Variants in ZNF804B observed in about 807,000 individuals in gnomAD.
The protein encoded by ZNF804B is zinc finger 804B.
In ZNF804B, 80 loss-of-function variants were observed where a neutral mutation model predicts 101.4. The observed-to-expected ratio is 0.79, with a 90% CI of 0.66 to 0.95. The LOEUF is 0.95. ZNF804B is among the 40% of genes least tolerant of loss of function. The pLI is 0.00. For missense variants in ZNF804B, 1,673 were observed against 1,561.9 expected (o/e 1.07, Z -1.20); for synonymous variants, 622 against 558.8 (o/e 1.11, Z -1.59).
chr7:89,022,897 T>G (rs1788689785), intron 1 of ZNF804B, among the ~76,000 whole-genome samples: 1 of 152,152 alleles, frequency 6.6e-6, no homozygotes, highest in African/African-American at 2.4e-5. Context: ...CCATGTTAAT[T>G]CATAAGAAAA....
intron 1 of ZNF804B, among the ~76,000 whole-genome samples, chr7:88,974,139 C>T (rs1793578921): frequency 6.6e-6 from 1 of 151,350 alleles, no homozygotes. Context: ...TTCTCCCTGA[C>T]TGCCAACTGC....
At chr7:89,174,217 CA>C (rs1791283516) in intron 1 of ZNF804B, among the ~76,000 whole-genome samples, 1 of 151,946 alleles carries the variant, frequency 6.6e-6, no homozygotes, top group African/African-American at 2.4e-5. Context: ...TGCCCATTAA[CA>C]ATCTCCACTT....
intron 1 of ZNF804B, among the ~76,000 whole-genome samples, chr7:89,108,223 C>G (rs1038477782): frequency 2.1e-5 from 3 of 140,408 alleles, no homozygotes; most frequent in South Asian, 4.4e-4. Flanking sequence ...TAATTAGCTG[C>G]TTTTTTTTTT....
At chr7:89,113,294 G>A (rs190864261) in intron 1 of ZNF804B, among the ~76,000 whole-genome samples, 8 of 152,174 alleles carry the variant, frequency 5.3e-5, no homozygotes, top group Non-Finnish European at 8.8e-5. Context: ...ATCGTACAAC[G>A]GGCCTCAATG....
At chr7:88,835,082 T>C (rs903550746) in intron 1 of ZNF804B, among the ~76,000 whole-genome samples, 2 of 151,906 alleles carry the variant, frequency 1.3e-5, no homozygotes, top group Non-Finnish European at 2.9e-5. Context: ...TTTATTCTAT[T>C]TTTATATTAC....
chr7:88,854,527 T>TTTCCTTTCCTTCCCCTTCC (rs1791519535), intron 1 of ZNF804B, among the ~76,000 whole-genome samples: 1 of 40,076 alleles, frequency 2.5e-5, no homozygotes, highest in Admixed American at 3.1e-4. Context: ...CTTTCCTTCC[T>TTTCCTTTCCTTCCCCTTCC]TTCCTTCCTT....
At chr7:89,133,149 G>A (rs1387608469) in intron 1 of ZNF804B, among the ~76,000 whole-genome samples, 1 of 151,988 alleles carries the variant, frequency 6.6e-6, no homozygotes, top group Admixed American at 6.6e-5. Flanking sequence ...CCAGCCAGGT[G>A]GCAGCTGGAG....
chr7:88,809,364 TATCTACCTACCTACTTACTTACCA>T (rs1790746655), intron 1 of ZNF804B, among the ~76,000 whole-genome samples: 1 of 151,372 alleles, frequency 6.6e-6, no homozygotes, highest in Admixed American at 6.6e-5. Context: ...TCTACCTATC[TATCTACCTACCTACTTACTTACCA>T]ATCTACCAAC....
At chr7:89,082,998 T>C (rs1233524194) in intron 1 of ZNF804B, among the ~76,000 whole-genome samples, 1 of 151,830 alleles carries the variant, frequency 6.6e-6, no homozygotes, top group Non-Finnish European at 1.5e-5. Context: ...ATTTTAATAA[T>C]AATCTGTGTT....
Position 88,759,781 on chromosome 7 carries a change from A to G in ZNF804B, c.-196A>G. The G allele has an allele frequency of 1.7e-6, 1 of 591,630 alleles. No individual in the cohort carries two copies. Among genetic ancestry groups the G allele is most frequent in the Non-Finnish European group, 3.0e-6 (1 of 331,830 alleles). The allele number at this position is 591,630 out of a possible 1,614,324, so 36.6% of individuals were successfully genotyped here. A position where few individuals can be genotyped will look rare whatever the true frequency, so the allele number is the denominator to read the frequency against. ...TGCTGTCGCCGCCGCCGCCTCTGTC[A>G]GAGCAGCAGCTGTCGGCAGCAGGAG... On this transcript the variant is annotated 5_prime_UTR_variant, in exon 1 of 4. Transcript: ENST00000333190.
At chr7:89,320,493 T>C (rs1329962471) in intron 2 of ZNF804B, among the ~76,000 whole-genome samples, 1 of 151,936 alleles carries the variant, frequency 6.6e-6, no homozygotes, top group African/African-American at 2.4e-5. Context: ...AAAAAAACAG[T>C]GCCAAATAAC....
At chr7:88,986,445 A>C (rs1388736929) in intron 1 of ZNF804B, among the ~76,000 whole-genome samples, 1 of 152,124 alleles carries the variant, frequency 6.6e-6, no homozygotes, top group East Asian at 1.9e-4. Flanking sequence ...TCCTGCCAAC[A>C]CAGAAAAGTT....
At chr7:88,777,454 G>A (rs566203185) in intron 1 of ZNF804B, among the ~76,000 whole-genome samples, 1 of 152,334 alleles carries the variant, frequency 6.6e-6, no homozygotes, top group African/African-American at 2.4e-5. Context: ...GCAGTTTACA[G>A]GCATGCAGTC....
chr7:88,865,081 A>G (rs572565749), intron 1 of ZNF804B, among the ~76,000 whole-genome samples: 1 of 151,782 alleles, frequency 6.6e-6, no homozygotes, highest in African/African-American at 2.4e-5. Flanking sequence ...ATACAAAATT[A>G]GACAGGCGTG....
At chr7:88,977,981 G>T (rs186597994) in intron 1 of ZNF804B, among the ~76,000 whole-genome samples, 3 of 151,122 alleles carry the variant, frequency 2.0e-5, no homozygotes, top group African/African-American at 7.3e-5. Context: ...TAATTTCTTC[G>T]TTGACTCAGT....
intron 2 of ZNF804B, among the ~76,000 whole-genome samples, chr7:89,272,807 G>A (rs1789918096): frequency 6.6e-6 from 1 of 151,980 alleles, no homozygotes; most frequent in South Asian, 2.1e-4. Context: ...ATCAGATCAG[G>A]AAAACAAAAC....
intron 1 of ZNF804B, among the ~76,000 whole-genome samples, chr7:89,171,925 T>G (rs1416658541): frequency 6.6e-6 from 1 of 152,130 alleles, no homozygotes; most frequent in Non-Finnish European, 1.5e-5. Context: ...AACTCTGAGA[T>G]GCCAAACAAT....
At chr7:89,121,217 A>G (rs1465436681) in intron 1 of ZNF804B, among the ~76,000 whole-genome samples, 1 of 152,172 alleles carries the variant, frequency 6.6e-6, no homozygotes, top group African/African-American at 2.4e-5. Context: ...TTATTTGTTT[A>G]GGAGTCATGA....
chr7:89,135,445 T>A (rs1038663504), intron 1 of ZNF804B, among the ~76,000 whole-genome samples: 1 of 152,130 alleles, frequency 6.6e-6, no homozygotes, highest in African/African-American at 2.4e-5. Flanking sequence ...TTCTTCTGTT[T>A]GTATCAAGAT....
Sources: allele counts gnomAD v4.1 joint callset (sites outside exome capture counted in the v4.1 genomes callset), GRCh38; gene constraint gnomAD v4.1.1; transcripts MANE v1.5; gene names NCBI Gene and HGNC (gene_info 2026-07-23, HGNC 2026-07-21).